Variants in LNX1 observed in about 807,000 individuals in gnomAD.
LNX1 encodes the protein ligand of numb-protein X 1, also known as E3 ubiquitin-protein ligase LNX.
Under a neutral mutation model 68.4 loss-of-function variants are expected in LNX1, and 54 were observed. The observed-to-expected ratio is 0.79, with a 90% CI of 0.63 to 0.99. The LOEUF (loss-of-function observed/expected upper bound fraction) is 0.99, where lower values mean the gene tolerates loss of function less well. Ranked by LOEUF, LNX1 falls within the 50% of genes least tolerant of loss-of-function variation. LNX1 has a pLI of 0.00. For missense variants in LNX1, 906 were observed against 926.4 expected, an observed-to-expected ratio of 0.98 and a Z score of 0.29; for synonymous variants, 336 against 350.0, an observed-to-expected ratio of 0.96 and a Z score of 0.45.
At chr4:53,483,816 A>C (rs956746821) in intron 6 of LNX1, among the ~76,000 whole-genome samples, 6 of 152,182 alleles carry the variant, frequency 3.9e-5, no homozygotes, top group African/African-American at 1.4e-4. Flanking sequence ...AGGGCATTGA[A>C]ATTCCATGCT....
chr4:53,472,174 CATGTCCTTTGTAGGGACATGG>C (rs544182631), intron 9 of LNX1, among the ~76,000 whole-genome samples: 22 of 152,286 alleles, frequency 1.4e-4, no homozygotes, highest in African/African-American at 4.6e-4. Context: ...AGGATGAGTT[CATGTCCTTTGTAGGGACATGG>C]ATGAAGCTGG....
chr4:53,625,596 A>G (rs1734040853), intron 1 of LNX1, among the ~76,000 whole-genome samples: 2 of 152,162 alleles, frequency 1.3e-5, no homozygotes, highest in Admixed American at 6.6e-5. Context: ...CAGGAATTTG[A>G]CACCAAACTG....
At chr4:53,606,176 A>G (rs1733224748) in intron 2 of LNX1, among the ~76,000 whole-genome samples, 1 of 151,766 alleles carries the variant, frequency 6.6e-6, no homozygotes, top group African/African-American at 2.4e-5. Flanking sequence ...AAAGATAGAT[A>G]GACCACTAGG....
intron 2 of LNX1, among the ~76,000 whole-genome samples, chr4:53,599,007 G>A (rs2109832088): frequency 6.6e-6 from 1 of 152,300 alleles, no homozygotes; most frequent in Middle Eastern, 3.4e-3. Context: ...TGTTACAGAT[G>A]CAGTTACATG....
chr4:53,636,953 C>T (rs550705647), intron 1 of LNX1, among the ~76,000 whole-genome samples: 1 of 147,676 alleles, frequency 6.8e-6, no homozygotes, highest in Non-Finnish European at 1.5e-5. Flanking sequence ...CTCCCTCCCT[C>T]CCCAAGAAAG....
chr4:53,476,006 G>A (rs527562904), intron 9 of LNX1, among the ~76,000 whole-genome samples: 1 of 152,178 alleles, frequency 6.6e-6, no homozygotes, highest in South Asian at 2.1e-4. Flanking sequence ...CCACTCAAAA[G>A]ATAAAACTGG....
intron 1 of LNX1, among the ~76,000 whole-genome samples, chr4:53,651,458 G>T (rs1164411543): frequency 6.6e-6 from 1 of 152,230 alleles, no homozygotes; most frequent in Admixed American, 6.5e-5. Flanking sequence ...TGACAAGGTG[G>T]TATATTGTAC....
upstream of LNX1, among the ~76,000 whole-genome samples, chr4:53,618,165 C>G (rs7660956): frequency 8.8e-3 from 1,334 of 152,138 alleles, 18 homozygotes; most frequent in African/African-American, 0.028. Context: ...CAAATAAATC[C>G]TTATCTTTGG....
intron 6 of LNX1, among the ~76,000 whole-genome samples, chr4:53,492,785 A>C (rs1291276347): frequency 6.6e-6 from 1 of 152,090 alleles, no homozygotes; most frequent in Non-Finnish European, 1.5e-5. Context: ...AGGGGAGAGC[A>C]CGTTGGGCAA....
chr4:53,561,753 A>T (rs1215330175), intron 2 of LNX1, among the ~76,000 whole-genome samples: 1 of 152,152 alleles, frequency 6.6e-6, no homozygotes, highest in Non-Finnish European at 1.5e-5. Flanking sequence ...TTTCATTCAC[A>T]GCTCATTTCA....
intron 2 of LNX1, among the ~76,000 whole-genome samples, chr4:53,514,617 G>A (rs1458706452): frequency 1.3e-5 from 2 of 151,646 alleles, no homozygotes; most frequent in African/African-American, 2.4e-5. Flanking sequence ...CCCACAACAT[G>A]TGGGAATTAG....
At position 53,644,073 on chromosome 4, in the gene LNX1, A is replaced by G. The variant is rs192215830; in HGVS notation, c.-215+8095T>C. On this transcript the variant is annotated intron_variant, in intron 1 of 2. Coordinates refer to the LNX1 transcript ENST00000507168. ...ACCCCGTGGGTAGACTGCACTTACT[A>G]TGTTTTGTACTTCATTCTAGTGATA... Among the ~76,000 whole-genome samples the G allele has an allele frequency of 1.1e-3, 166 of 152,230 alleles. No homozygotes were observed. The Middle Eastern group carries it at 0.031, about 28-fold the overall frequency.
chr4:53,648,983 A>G (rs768964148), intron 1 of LNX1, among the ~76,000 whole-genome samples: 2 of 152,188 alleles, frequency 1.3e-5, no homozygotes, highest in Non-Finnish European at 2.9e-5. Flanking sequence ...AGGTCTCCTT[A>G]GCATGCAGGG....
chr4:53,465,977 TTTAA>T (rs1176052091), intron 9 of LNX1, among the ~76,000 whole-genome samples: 6 of 152,178 alleles, frequency 3.9e-5, no homozygotes, highest in Non-Finnish European at 5.9e-5. Flanking sequence ...TTCCAGTGAC[TTTAA>T]TTAAATACTC....
intron 1 of LNX1, among the ~76,000 whole-genome samples, chr4:53,591,148 CTGGATTAA>C (rs1732482686): frequency 6.6e-6 from 1 of 152,182 alleles, no homozygotes; most frequent in African/African-American, 2.4e-5. Context: ...CAAGCACAGG[CTGGATTAA>C]TGATCAGAGA....
rs141405241 is a variant in LNX1, at chr4:53,548,998, C to T, written c.380+24625G>A. Among the ~76,000 whole-genome samples, 28 of 152,060 alleles carry T rather than the reference C, an allele frequency of 1.8e-4. No homozygotes were observed. In the East Asian group the frequency reaches 3.7e-3, roughly 20 times the overall value. On this transcript the variant is annotated intron_variant, in intron 2 of 10. Coordinates refer to ENST00000263925, the MANE Select transcript of LNX1 (RefSeq NM_001126328.3). ...TTCTGAACACACAGAAGGAAATGAC[C>T]GACACTGGGGTCTACTTGAAGGTGG...
rs113963378 is a variant in LNX1, at chr4:53,573,975, G to T, written c.28C>A (p.Pro10Thr). The T allele has an allele frequency of 6.2e-7, 1 of 1,613,010 alleles. No individual in the cohort carries two copies. Among genetic ancestry groups the T allele is most frequent in the South Asian group, 1.1e-5 (1 of 90,836 alleles). The change falls in exon 2 of 11, where the codon CCT becomes ACT. Residue 10 changes from proline to threonine, a missense_variant. Physicochemically the swap from Pro to Thr is conservative, Grantham distance 38. Coordinates refer to ENST00000263925, the MANE Select transcript of LNX1 (RefSeq NM_001126328.3). ...CCACACACTGCACACAGGGGTTCAG[G>T]ATCGTTGGCAGACTCTGGCTGGTTC... is the stretch of plus-strand genomic sequence containing the variant. MNQPESAND[P>T]EPLCAVCGQA...
chr4:53,616,911 T>C (rs1433191776), intron 1 of LNX1, among the ~76,000 whole-genome samples: 1 of 152,166 alleles, frequency 6.6e-6, no homozygotes, highest in Non-Finnish European at 1.5e-5. Flanking sequence ...AACTAAGAAG[T>C]ATTAAGCATA....
upstream of LNX1, among the ~76,000 whole-genome samples, chr4:53,594,909 A>C (rs938241609): frequency 6.6e-6 from 1 of 151,754 alleles, no homozygotes; most frequent in East Asian, 1.9e-4. Context: ...ATGAGGTCTC[A>C]CTATGGTGCC....
Sources: allele counts gnomAD v4.1 joint callset (sites outside exome capture counted in the v4.1 genomes callset), GRCh38; gene constraint gnomAD v4.1.1; transcripts MANE v1.5; gene names NCBI Gene and HGNC (gene_info 2026-07-23, HGNC 2026-07-21).